Variants in RABGAP1L observed in about 807,000 individuals in gnomAD.
RABGAP1L encodes the protein rab GTPase-activating protein 1-like.
Under a neutral mutation model 137.7 loss-of-function variants are expected in RABGAP1L, and 63 were observed. That is an observed-to-expected ratio of 0.46 (90% confidence interval 0.37 to 0.56). The LOEUF is 0.56. Ranked by LOEUF, RABGAP1L falls within the 20% of genes least tolerant of loss-of-function variation. RABGAP1L has a pLI of 0.00. For synonymous variants in RABGAP1L, 431 were observed against 433.7 expected (o/e 0.99, Z 0.08); for missense variants, 1,095 against 1,244.0 (o/e 0.88, Z 1.80).
chr1:174,967,088 C>G (rs1263007079), intron 20 of RABGAP1L, among the ~76,000 whole-genome samples: 1 of 151,804 alleles, frequency 6.6e-6, no homozygotes, highest in Non-Finnish European at 1.5e-5. Context: ...ATGAGATTCT[C>G]CAATTATTTA....
intron 18 of RABGAP1L, among the ~76,000 whole-genome samples, chr1:174,789,872 C>T (rs562479587): frequency 6.6e-6 from 1 of 152,248 alleles, no homozygotes; most frequent in Non-Finnish European, 1.5e-5. Flanking sequence ...TGCTCTTCTC[C>T]ACTGTAAGCC....
rs563118116 is a variant in RABGAP1L, at chr1:174,206,249, A to G, written c.-33-12876A>G. ...GTTGGACAGATAAAAATAGGTATCC[A>G]TTAAAGTAATGTGAATTAATAAAGT... is the stretch of plus-strand genomic sequence containing the variant. On this transcript the variant is annotated intron_variant, in intron 1 of 25. Transcript: ENST00000681986. Among the ~76,000 whole-genome samples the G allele has an allele frequency of 2.0e-5, 3 of 152,354 alleles. No homozygotes were observed. In the South Asian group the frequency reaches 6.2e-4, roughly 32 times the overall value.
rs1231449554 is a variant in RABGAP1L, at chr1:174,761,212, GTTT to G, written c.2211+8861_2211+8863del. Among the ~76,000 whole-genome samples, 2 of 152,048 alleles carry G rather than the reference GTTT, an allele frequency of 1.3e-5. No individual in the cohort carries two copies. The highest frequency in any genetic ancestry group is 4.8e-5 in the African/African-American group (2 of 41,418). Reference sequence around the variant, plus strand: ...AGAGGGCTTGTGTAGGGAAACTCTTGTTTTTATTTATTTATTTATTTTTTAATT... The same window carrying G: ...AGAGGGCTTGTGTAGGGAAACTCTTGTTATTTATTTATTTATTTTTTAATT... On this transcript the variant is annotated intron_variant, in intron 18 of 25. Coordinates refer to ENST00000681986, the MANE Select transcript of RABGAP1L (RefSeq NM_001366446.1). This position sits in a 1 kb window ranked among gnomAD's most constrained non-coding sequence, Gnocchi z 4.0.
intron 13 of RABGAP1L, among the ~76,000 whole-genome samples, chr1:174,480,853 C>G (rs1360976073): frequency 6.6e-6 from 1 of 152,116 alleles, no homozygotes. Flanking sequence ...TTTTGGGGTG[C>G]CTTTCTGTTG....
chr1:174,484,764 A>G (rs542020769), intron 13 of RABGAP1L, among the ~76,000 whole-genome samples: 16 of 152,184 alleles, frequency 1.1e-4, no homozygotes, highest in South Asian at 2.1e-4. Context: ...TAGCTCTGTC[A>G]TATAATTTGA....
intron 12 of RABGAP1L, among the ~76,000 whole-genome samples, chr1:174,384,234 A>G (rs1558188293): frequency 6.6e-6 from 1 of 152,224 alleles, no homozygotes; most frequent in Admixed American, 6.5e-5. Context: ...AACTATCATC[A>G]TAGGAAGCAT....
At chr1:174,165,906 A>G (rs1393047865) in intron 1 of RABGAP1L, among the ~76,000 whole-genome samples, 2 of 152,212 alleles carry the variant, frequency 1.3e-5, no homozygotes, top group African/African-American at 4.8e-5. Flanking sequence ...TCAAAGGCAT[A>G]CAAGCATAGA....
intron 14 of RABGAP1L, among the ~76,000 whole-genome samples, chr1:174,663,724 G>A (rs1676559099): frequency 1.3e-5 from 2 of 152,130 alleles, no homozygotes; most frequent in Non-Finnish European, 2.9e-5. Context: ...GTTATTCACT[G>A]ATATGTGAAT....
chr1:174,274,639 T>TGTGTGTGTGTGTGG, intron 8 of RABGAP1L, among the ~76,000 whole-genome samples: 1 of 147,426 alleles, frequency 6.8e-6, no homozygotes, highest in African/African-American at 2.5e-5. Flanking sequence ...TGTGTGTGTG[T>TGTGTGTGTGTGTGG]AGAGGAGAGA....
intron 4 of RABGAP1L, among the ~76,000 whole-genome samples, chr1:174,240,235 G>A (rs749832351): frequency 1.3e-5 from 2 of 151,482 alleles, no homozygotes; most frequent in African/African-American, 4.9e-5. Flanking sequence ...GTTTTGTTTT[G>A]TTTTTGTTTT....
intron 10 of RABGAP1L, among the ~76,000 whole-genome samples, chr1:174,292,785 T>TA (rs1251074769): frequency 1.3e-5 from 2 of 152,212 alleles, no homozygotes; most frequent in African/African-American, 4.8e-5. Flanking sequence ...GATTTTCCTG[T>TA]GATCTTTACT....
chr1:174,983,413 CT>C lies in RABGAP1L; in HGVS notation c.2805+509del, dbSNP rs1233458214. Among the ~76,000 whole-genome samples, 5 of 152,094 alleles carry C rather than the reference CT, an allele frequency of 3.3e-5. No individual in the cohort carries two copies. In the East Asian group the frequency reaches 5.8e-4, roughly 18 times the overall value. On this transcript the variant is annotated intron_variant, in intron 24 of 25. Coordinates refer to ENST00000681986, the MANE Select transcript of RABGAP1L (RefSeq NM_001366446.1). The stretch of plus-strand genomic sequence containing the variant: ...GTGGCATTTGTTTACTTGCTGCCCC[CT>C]GGTGGTAAAATGCATTATGTTGATG...
chr1:174,362,148 G>A (rs1429569463), intron 11 of RABGAP1L, among the ~76,000 whole-genome samples: 1 of 152,172 alleles, frequency 6.6e-6, no homozygotes, highest in Non-Finnish European at 1.5e-5. Flanking sequence ...ATTCCATTGT[G>A]TGTATGTGCC....
intron 19 of RABGAP1L, among the ~76,000 whole-genome samples, chr1:174,946,980 G>GTGTA (rs770439099): frequency 0.062 from 4,798 of 77,448 alleles, 214 homozygotes; most frequent in Non-Finnish European, 0.082. Flanking sequence ...GTGTGTGTGT[G>GTGTA]TATATATATG....
At chr1:174,265,493 G>T (rs576557630) in intron 7 of RABGAP1L, among the ~76,000 whole-genome samples, 38 of 149,756 alleles carry the variant, frequency 2.5e-4, no homozygotes, top group South Asian at 1.1e-3. Context: ...TTGCAGAGCT[G>T]AGATTGTGCC....
intron 10 of RABGAP1L, among the ~76,000 whole-genome samples, chr1:174,302,091 G>C (rs931080523): frequency 3.3e-5 from 5 of 152,226 alleles, no homozygotes; most frequent in Non-Finnish European, 7.3e-5. Context: ...AAAGTTCTAA[G>C]ATACGGACAA....
intron 17 of RABGAP1L, among the ~76,000 whole-genome samples, chr1:174,735,134 A>T (rs1359799137): frequency 6.6e-6 from 1 of 151,612 alleles, no homozygotes; most frequent in African/African-American, 2.4e-5. Context: ...AACTAATTTT[A>T]AAAACATGTT....
At chr1:174,398,887 CTTAAT>C (rs1259090854) in intron 13 of RABGAP1L, among the ~76,000 whole-genome samples, 1 of 152,100 alleles carries the variant, frequency 6.6e-6, no homozygotes, top group African/African-American at 2.4e-5. Flanking sequence ...TATATGTAAA[CTTAAT>C]TTATTTTAGA....
intron 1 of RABGAP1L, among the ~76,000 whole-genome samples, chr1:174,176,515 G>T (rs1328247164): frequency 6.7e-6 from 1 of 149,562 alleles, no homozygotes; most frequent in African/African-American, 2.5e-5. Flanking sequence ...TTCAAGATTA[G>T]CCTGGGCAAC....
Sources: allele counts gnomAD v4.1 joint callset (sites outside exome capture counted in the v4.1 genomes callset), GRCh38; gene constraint gnomAD v4.1.1; non-coding constraint Gnocchi (gnomAD v3.1); transcripts MANE v1.5; gene names NCBI Gene and HGNC (gene_info 2026-07-23, HGNC 2026-07-21).